Variants in GMDS observed in about 807,000 individuals in gnomAD.
GMDS encodes the protein GDP-mannose 4,6-dehydratase.
In GMDS, 20 loss-of-function variants were observed where a neutral mutation model predicts 49.9. The ratio of observed to expected loss-of-function variants is 0.40; its 90% CI spans 0.28 to 0.58. GMDS has a LOEUF of 0.58. Among genes scored for constraint, GMDS ranks in the 20% least tolerant of loss-of-function variants. The pLI is 0.42. For synonymous variants in GMDS, 177 were observed against 178.6 expected, an observed-to-expected ratio of 0.99 and a Z score of 0.07; for missense variants, 362 against 481.4, an observed-to-expected ratio of 0.75 and a Z score of 2.32.
At chr6:2,051,329 A>T (rs920635420) in intron 4 of GMDS, among the ~76,000 whole-genome samples, 1 of 152,238 alleles carries the variant, frequency 6.6e-6, no homozygotes, top group African/African-American at 2.4e-5. Context: ...TATTTGGTAG[A>T]GCAGCAGTAG....
At chr6:1,725,260 A>T (rs1055721149) in intron 9 of GMDS, among the ~76,000 whole-genome samples, 42 of 152,296 alleles carry the variant, frequency 2.8e-4, no homozygotes, top group African/African-American at 9.4e-4. Context: ...GTGAGGATGG[A>T]CCTCATTAAA....
chr6:2,204,149 C>T (rs974968344), intron 1 of GMDS, among the ~76,000 whole-genome samples: 1 of 152,170 alleles, frequency 6.6e-6, no homozygotes, highest in African/African-American at 2.4e-5. Flanking sequence ...GCCAAGTATA[C>T]ATCATCAATC....
At chr6:2,062,661 T>C (rs1771259295) in intron 4 of GMDS, among the ~76,000 whole-genome samples, 1 of 152,162 alleles carries the variant, frequency 6.6e-6, no homozygotes, top group Admixed American at 6.5e-5. Context: ...GATACAAAAA[T>C]AGCCATTTTC....
intron 7 of GMDS, among the ~76,000 whole-genome samples, chr6:1,767,202 C>G (rs749550939): frequency 1.3e-5 from 2 of 151,854 alleles, no homozygotes; most frequent in African/African-American, 2.4e-5. Flanking sequence ...CCACCCACCA[C>G]CCCCCCAAAT....
intron 9 of GMDS, among the ~76,000 whole-genome samples, chr6:1,707,795 C>A (rs993780572): frequency 6.6e-6 from 1 of 152,192 alleles, no homozygotes; most frequent in Non-Finnish European, 1.5e-5. Context: ...GCACTGAAAG[C>A]AATTTTACAT....
chr6:2,023,223 T>G lies in GMDS; in HGVS notation c.346-62257A>C, dbSNP rs547663522. On this transcript the variant is annotated intron_variant, in intron 4 of 10. Coordinates refer to ENST00000380815, the MANE Select transcript of GMDS (RefSeq NM_001500.4). The stretch of plus-strand genomic sequence containing the variant: ...CACTAGTAATTACCTAGATATGTAC[T>G]GTCAAATTAAACTTATTTATAGTTT... 6.6e-5 allele frequency among the ~76,000 whole-genome samples: 10 copies of G among 152,374 alleles called. No homozygotes were observed. The East Asian group carries it at 1.9e-3, about 29-fold the overall frequency.
In GMDS at chr6:1,728,598, A is replaced by T. The variant is rs536816467; in HGVS notation, c.891-2086T>A. Among the ~76,000 whole-genome samples the T allele has an allele frequency of 1.8e-4, 27 of 152,332 alleles. No individual in the cohort carries two copies. The East Asian group carries it at 3.3e-3, about 18-fold the overall frequency. On this transcript the variant is annotated intron_variant, in intron 8 of 10. Coordinates refer to ENST00000380815, the MANE Select transcript of GMDS (RefSeq NM_001500.4). The stretch of plus-strand genomic sequence containing the variant: ...CAAATCTATTTATAATTCAATTTTT[A>T]AAAAATCACACACAAACACACACAC...
intron 1 of GMDS, among the ~76,000 whole-genome samples, chr6:2,160,842 G>A (rs1315899542): frequency 1.3e-5 from 2 of 151,924 alleles, no homozygotes; most frequent in East Asian, 3.9e-4. Context: ...AGACTCTGAT[G>A]TATTGTTGTT....
At chr6:1,937,476 C>T (rs565038274) in intron 6 of GMDS, among the ~76,000 whole-genome samples, 7 of 152,318 alleles carry the variant, frequency 4.6e-5, no homozygotes, top group Non-Finnish European at 8.8e-5. Flanking sequence ...CTTCGAACAA[C>T]CAAAATTTCC....
chr6:1,705,357 T>A (rs1017234138), intron 9 of GMDS, among the ~76,000 whole-genome samples: 6 of 152,214 alleles, frequency 3.9e-5, no homozygotes, highest in African/African-American at 1.2e-4. Context: ...CAGGACAGGC[T>A]GAGTTAGGCT....
chr6:1,776,008 G>C (rs1768817530), intron 7 of GMDS, among the ~76,000 whole-genome samples: 2 of 152,152 alleles, frequency 1.3e-5, no homozygotes, highest in African/African-American at 4.8e-5. Context: ...TGGGTGTCCT[G>C]TCCCCTCCTG....
intron 1 of GMDS, among the ~76,000 whole-genome samples, chr6:2,185,529 G>A (rs1242604872): frequency 6.6e-6 from 1 of 152,180 alleles, no homozygotes; most frequent in African/African-American, 2.4e-5. Context: ...AGTGTCTGGA[G>A]CCAACAACAA....
chr6:2,202,280 G>T (rs918400151), intron 1 of GMDS, among the ~76,000 whole-genome samples: 1 of 150,664 alleles, frequency 6.6e-6, no homozygotes, highest in Admixed American at 6.6e-5. Context: ...AAACCATCTA[G>T]GCAGTGAGGG....
intron 9 of GMDS, among the ~76,000 whole-genome samples, chr6:1,711,999 C>T (rs564821110): frequency 5.3e-5 from 8 of 152,312 alleles, no homozygotes; most frequent in Admixed American, 1.3e-4. Flanking sequence ...AACACTTCTC[C>T]TCTGTTTACA....
In GMDS at chr6:2,170,618, C is replaced by A. The variant is rs537256748; in HGVS notation, c.103-45887G>T. Among the ~76,000 whole-genome samples, 144 of 150,722 alleles carry A rather than the reference C, an allele frequency of 9.6e-4. 1 individual carries two copies. The highest frequency in any genetic ancestry group is 3.4e-3 in the African/African-American group (141 of 40,988). ...TTCCAGCCTGGGTGACAGAGTGTGA[C>A]CCTGCCTTAAAAAAAAATAAAAAAA... is the stretch of plus-strand genomic sequence containing the variant. On this transcript the variant is annotated intron_variant, in intron 1 of 10. Coordinates refer to ENST00000380815, the MANE Select transcript of GMDS (RefSeq NM_001500.4).
intron 7 of GMDS, among the ~76,000 whole-genome samples, chr6:1,928,705 A>C (rs1027216424): frequency 2.0e-5 from 3 of 152,184 alleles, no homozygotes; most frequent in African/African-American, 7.2e-5. Flanking sequence ...ACGGTGGCTC[A>C]TCCCTGTAAT....
At chr6:1,927,256 C>G (rs922815252) in intron 7 of GMDS, among the ~76,000 whole-genome samples, 8 of 135,440 alleles carry the variant, frequency 5.9e-5, no homozygotes, top group Admixed American at 1.5e-4. Flanking sequence ...CAGAGGGTAG[C>G]GTGTTGGTGT....
intron 4 of GMDS, among the ~76,000 whole-genome samples, chr6:2,077,380 C>CA (rs1772407478): frequency 6.6e-6 from 1 of 152,086 alleles, no homozygotes; most frequent in African/African-American, 2.4e-5. Flanking sequence ...CAAAGACTTT[C>CA]AACTTTTCCC....
intron 7 of GMDS, among the ~76,000 whole-genome samples, chr6:1,844,783 T>C (rs1757312574): frequency 6.6e-6 from 1 of 152,234 alleles, no homozygotes; most frequent in African/African-American, 2.4e-5. Flanking sequence ...TCGAAATGAC[T>C]TTTGGCTCAA....
Sources: allele counts gnomAD v4.1 joint callset (sites outside exome capture counted in the v4.1 genomes callset), GRCh38; gene constraint gnomAD v4.1.1; transcripts MANE v1.5; gene names NCBI Gene and HGNC (gene_info 2026-07-23, HGNC 2026-07-21).